LYRM4: variants seen among roughly 807,000 people sequenced by gnomAD.
LYRM4 encodes LYR motif containing 4.
Under a neutral mutation model 11.7 loss-of-function variants are expected in LYRM4, and 9 were observed. The observed-to-expected ratio is 0.77, with a 90% confidence interval of 0.46 to 1.34. The LOEUF is 1.34. Among genes scored for constraint, LYRM4 ranks in the 40% most tolerant of loss-of-function variants. The pLI is 0.00. For missense variants in LYRM4, 133 were observed against 112.5 expected (o/e 1.18, Z -0.82); for synonymous variants, 42 against 40.4 (o/e 1.04, Z -0.15).
chr6:5,174,255 C>CA (rs1759591786), intron 2 of LYRM4, among the ~76,000 whole-genome samples: 1 of 152,114 alleles, frequency 6.6e-6, no homozygotes, highest in Non-Finnish European at 1.5e-5. Context: ...AGTGAATGCT[C>CA]TACAGAGTAT....
intron 2 of LYRM4, among the ~76,000 whole-genome samples, chr6:5,123,899 T>A (rs982124094): frequency 2.0e-5 from 3 of 152,186 alleles, no homozygotes; most frequent in Non-Finnish European, 4.4e-5. Flanking sequence ...CACGCACAGC[T>A]GCACAGAACA....
chr6:5,183,378 TA>T (rs1411876606), intron 2 of LYRM4, among the ~76,000 whole-genome samples: 4 of 152,198 alleles, frequency 2.6e-5, no homozygotes, highest in African/African-American at 9.7e-5. Flanking sequence ...CATTTTTTTT[TA>T]TCCTTAGTCA....
At chr6:5,068,020 G>A in the LYRM4 span, among the ~76,000 whole-genome samples, 1 of 152,192 alleles carries the variant, frequency 6.6e-6, no homozygotes, top group South Asian at 2.1e-4. This position sits in a 1 kb window ranked among gnomAD's most constrained non-coding sequence, Gnocchi z 4.0. Context: ...AGTGCTAAAT[G>A]TGCTATGGAA....
intron 1 of LYRM4, among the ~76,000 whole-genome samples, chr6:5,260,410 G>T (rs889445397): frequency 1.3e-5 from 2 of 152,212 alleles, no homozygotes; most frequent in African/African-American, 4.8e-5. Flanking sequence ...CCTTTAGGGG[G>T]AAAACGTCAC....
At chr6:5,096,366 T>C in the LYRM4 span, among the ~76,000 whole-genome samples, 1 of 152,124 alleles carries the variant, frequency 6.6e-6, no homozygotes, top group African/African-American at 2.4e-5. Flanking sequence ...GGCGCACACC[T>C]GTAGCCCCAG....
At chr6:5,055,308 C>T in the LYRM4 span, among the ~76,000 whole-genome samples, 421 of 152,316 alleles carry the variant, frequency 2.8e-3, 2 homozygotes, top group Non-Finnish European at 4.8e-3. This position sits in a 1 kb window ranked among gnomAD's most constrained non-coding sequence, Gnocchi z 4.5. Context: ...TTCTCAGGAC[C>T]TCCTGAGGCT....
At chr6:5,226,116 T>C (rs1762877738) in intron 1 of LYRM4, among the ~76,000 whole-genome samples, 1 of 152,250 alleles carries the variant, frequency 6.6e-6, no homozygotes. Flanking sequence ...ATGGTGCTTT[T>C]TATTTTTGTG....
At chr6:5,245,359 A>C (rs1161337175) in intron 1 of LYRM4, among the ~76,000 whole-genome samples, 2 of 151,564 alleles carry the variant, frequency 1.3e-5, no homozygotes, top group Non-Finnish European at 2.9e-5. Context: ...CTTGTTAATA[A>C]GCAGCACACA....
chr6:5,148,610 T>G (rs1409141230), intron 2 of LYRM4, among the ~76,000 whole-genome samples: 1 of 146,458 alleles, frequency 6.8e-6, no homozygotes, highest in Non-Finnish European at 1.5e-5. Flanking sequence ...AAAGTATTTT[T>G]TAATGAAAGA....
chr6:5,080,225 G>C, the LYRM4 span, among the ~76,000 whole-genome samples: 1 of 152,214 alleles, frequency 6.6e-6, no homozygotes, highest in African/African-American at 2.4e-5. Flanking sequence ...GAAGGTCCCA[G>C]ATATCTGAGT....
the LYRM4 span, among the ~76,000 whole-genome samples, chr6:5,092,237 AT>A: frequency 4.6e-5 from 7 of 152,138 alleles, no homozygotes; most frequent in Non-Finnish European, 7.4e-5. Flanking sequence ...CCTTAAAGGG[AT>A]TGCCTTGCTG....
intron 2 of LYRM4, among the ~76,000 whole-genome samples, chr6:5,125,134 G>A (rs1763642244): frequency 1.3e-5 from 2 of 152,202 alleles, no homozygotes; most frequent in African/African-American, 4.8e-5. Flanking sequence ...GTAAGGAGAA[G>A]GGGCCTGTGC....
the LYRM4 span, among the ~76,000 whole-genome samples, chr6:5,036,784 C>G: frequency 1.3e-5 from 2 of 152,170 alleles, no homozygotes; most frequent in Admixed American, 6.5e-5. Flanking sequence ...TCCTTGGGCC[C>G]GGACAGTGAG....
chr6:5,218,221 A>G (rs1392935214), intron 1 of LYRM4: 3 of 982,650 alleles, frequency 3.1e-6, no homozygotes, highest in Non-Finnish European at 3.6e-6. Flanking sequence ...CGTCTTCTTA[A>G]TGATCACAGA....
At chr6:5,041,586 G>A in the LYRM4 span, among the ~76,000 whole-genome samples, 1 of 152,134 alleles carries the variant, frequency 6.6e-6, no homozygotes, top group African/African-American at 2.4e-5. Flanking sequence ...CCCATGTTTC[G>A]TCTTTCACCA....
chr6:5,074,142 A>T, the LYRM4 span, among the ~76,000 whole-genome samples: 3 of 152,184 alleles, frequency 2.0e-5, no homozygotes, highest in Non-Finnish European at 2.9e-5. Context: ...ACAGCCTCTT[A>T]TACAAGTGGG....
chr6:5,140,017 C>T (rs962169125), intron 2 of LYRM4, among the ~76,000 whole-genome samples: 6 of 151,782 alleles, frequency 4.0e-5, no homozygotes, highest in Non-Finnish European at 8.8e-5. Flanking sequence ...GTGGATCACT[C>T]GTGCCCAGGA....
the LYRM4 span, among the ~76,000 whole-genome samples, chr6:5,097,710 T>C: frequency 2.0e-4 from 31 of 152,328 alleles, no homozygotes; most frequent in African/African-American, 7.5e-4. Flanking sequence ...CACGACCCAA[T>C]CACCTCTTAA....
chr6:5,123,240 C>T (rs532997083), intron 2 of LYRM4, among the ~76,000 whole-genome samples: 3 of 152,304 alleles, frequency 2.0e-5, no homozygotes, highest in African/African-American at 7.2e-5. Context: ...GTCCTCATCC[C>T]AACCCCAGCC....
Sources: allele counts gnomAD v4.1 joint callset (sites outside exome capture counted in the v4.1 genomes callset), GRCh38; gene constraint gnomAD v4.1.1; non-coding constraint Gnocchi (gnomAD v3.1); transcripts MANE v1.5; gene names NCBI Gene and HGNC (gene_info 2026-07-23, HGNC 2026-07-21).